Variants in CAMTA1 observed in about 807,000 individuals in gnomAD.
The protein encoded by CAMTA1 is calmodulin-binding transcription activator 1.
In CAMTA1, 27 loss-of-function variants were observed where a neutral mutation model predicts 170.9. The observed-to-expected ratio is 0.16, with a 90% CI of 0.12 to 0.22. CAMTA1 has a LOEUF of 0.22. CAMTA1 is among the 10% of genes least tolerant of loss of function. The pLI is 1.00. For synonymous variants in CAMTA1, 833 were observed against 891.5 expected, an observed-to-expected ratio of 0.93 and a Z score of 1.17; for missense variants, 1,619 against 2,217.2, an observed-to-expected ratio of 0.73 and a Z score of 5.42.
intron 3 of CAMTA1, among the ~76,000 whole-genome samples, chr1:6,998,221 G>A (rs1312723031): frequency 6.6e-6 from 1 of 152,016 alleles, no homozygotes; most frequent in Non-Finnish European, 1.5e-5. Flanking sequence ...GGGACTACAG[G>A]TGCGTGCCGC....
chr1:6,957,975 G>A (rs747682208), intron 3 of CAMTA1, among the ~76,000 whole-genome samples: 1 of 152,262 alleles, frequency 6.6e-6, no homozygotes, highest in South Asian at 2.1e-4. Context: ...GTTCCCTCCC[G>A]CCTGTCAGCA....
chr1:7,526,264 G>A (rs969290238), intron 6 of CAMTA1, among the ~76,000 whole-genome samples: 2 of 151,930 alleles, frequency 1.3e-5, no homozygotes, highest in African/African-American at 4.8e-5. Context: ...CAGGGGCTCT[G>A]GAGGCTGGAG....
At chr1:7,519,233 T>C (rs1162083670) in intron 6 of CAMTA1, among the ~76,000 whole-genome samples, 2 of 151,974 alleles carry the variant, frequency 1.3e-5, no homozygotes, top group Non-Finnish European at 2.9e-5. Context: ...GAGGAGGAGT[T>C]TGGGGACAGC....
At chr1:6,908,632 G>T (rs940275886) in intron 3 of CAMTA1, among the ~76,000 whole-genome samples, 3 of 152,208 alleles carry the variant, frequency 2.0e-5, no homozygotes, top group African/African-American at 7.2e-5. Context: ...TTTTCTTGGG[G>T]TAGAGAGTTA....
intron 5 of CAMTA1, among the ~76,000 whole-genome samples, chr1:7,350,292 G>A (rs564006149): frequency 6.6e-6 from 1 of 152,312 alleles, no homozygotes; most frequent in South Asian, 2.1e-4. Context: ...GTCCCCAGGA[G>A]CAGGAGCCAC....
Position 7,640,517 on chromosome 1 carries a change from A to G in CAMTA1, c.628A>G (p.Thr210Ala). ...CGACAAGAAGGAGTGGGCGAAATGG[A>G]CGAAAGAAGAGCTCATCGGGCAGCT... Reference protein sequence around the residue: ...NTDKKEWAKWTKEELIGQLKP... With the variant: ...NTDKKEWAKWAKEELIGQLKP... The change falls in exon 7 of 23, where the codon ACG becomes GCG. Residue 210 changes from threonine to alanine, a missense_variant. By Grantham distance (58) the Thr-to-Ala change is moderately conservative. Around this residue, in one of 8 missense-constraint regions of CAMTA1, gnomAD observed 97 missense variants for 225.4 expected, o/e 0.43. Transcript: ENST00000303635. 6.2e-7 allele frequency: 1 copy of G among 1,614,196 alleles called. No homozygotes were observed. Among genetic ancestry groups the G allele is most frequent in the South Asian group, 1.1e-5 (1 of 91,086 alleles).
At chr1:7,382,731 C>G (rs2087475741) in intron 5 of CAMTA1, 1 of 152,084 alleles carries the variant, frequency 6.6e-6, no homozygotes, top group Non-Finnish European at 1.5e-5. Context: ...CTCCTGCAGG[C>G]AAAAGAATAA....
At chr1:7,318,066 G>A (rs1292262337) in intron 5 of CAMTA1, among the ~76,000 whole-genome samples, 3 of 152,200 alleles carry the variant, frequency 2.0e-5, no homozygotes, top group African/African-American at 7.2e-5. Context: ...GAAAGGGGGT[G>A]GGGGAAGATG....
At chr1:7,206,034 A>G (rs985035905) in intron 4 of CAMTA1, among the ~76,000 whole-genome samples, 4 of 152,302 alleles carry the variant, frequency 2.6e-5, no homozygotes, top group East Asian at 3.9e-4. Context: ...GTTGGGGCAT[A>G]TCTGGACTTC....
At chr1:7,268,395 C>A (rs1669232790) in intron 5 of CAMTA1, among the ~76,000 whole-genome samples, 1 of 152,172 alleles carries the variant, frequency 6.6e-6, no homozygotes, top group Non-Finnish European at 1.5e-5. Flanking sequence ...CACTGTGGGC[C>A]AGAAGCTAAA....
At chr1:7,168,278 G>A (rs1267196897) in intron 4 of CAMTA1, among the ~76,000 whole-genome samples, 4 of 152,150 alleles carry the variant, frequency 2.6e-5, no homozygotes, top group Admixed American at 6.5e-5. Flanking sequence ...CACACTCAAT[G>A]AATATTGAGA....
intron 6 of CAMTA1, among the ~76,000 whole-genome samples, chr1:7,615,308 C>A (rs750896895): frequency 6.6e-6 from 1 of 152,214 alleles, no homozygotes; most frequent in African/African-American, 2.4e-5. Flanking sequence ...GCCTCATACC[C>A]CACCAGTCCC....
chr1:7,507,150 C>A (rs1478652613), intron 6 of CAMTA1, among the ~76,000 whole-genome samples: 1 of 148,360 alleles, frequency 6.7e-6, no homozygotes, highest in Non-Finnish European at 1.5e-5. Context: ...ACACTCACTC[C>A]CACACTCACA....
rs1246638013 is a variant in CAMTA1 at position 7,642,865 on chromosome 1, C to T, written c.664+2312C>T. ...CATCTCAGGGGGCCCGGCTCAGCTCCTCCACCCCTGCACACCATGTCCAAG... is the reference window on the plus strand; with the variant it reads ...CATCTCAGGGGGCCCGGCTCAGCTCTTCCACCCCTGCACACCATGTCCAAG... On this transcript the variant is annotated intron_variant, in intron 7 of 22. Coordinates refer to ENST00000303635, the MANE Select transcript of CAMTA1 (RefSeq NM_015215.4). This position sits in a 1 kb window ranked among gnomAD's most constrained non-coding sequence, Gnocchi z 6.3. 6.6e-6 allele frequency among the ~76,000 whole-genome samples: 1 copy of T among 152,180 alleles called. No homozygotes were observed. Among genetic ancestry groups the T allele is most frequent in the East Asian group, 1.9e-4 (1 of 5,192 alleles).
intron 3 of CAMTA1, among the ~76,000 whole-genome samples, chr1:6,962,298 G>C (rs996617209): frequency 2.6e-4 from 40 of 152,280 alleles, no homozygotes; most frequent in African/African-American, 9.1e-4. Flanking sequence ...TCCTTGCTGG[G>C]AGGCTGGTCC....
At chr1:7,576,316 G>T (rs1405128341) in intron 6 of CAMTA1, among the ~76,000 whole-genome samples, 1 of 152,144 alleles carries the variant, frequency 6.6e-6, no homozygotes, top group African/African-American at 2.4e-5. Flanking sequence ...GGCCAATTAA[G>T]GGCCTTCCTG....
intron 3 of CAMTA1, among the ~76,000 whole-genome samples, chr1:6,907,624 T>TA (rs762598667): frequency 6.6e-6 from 1 of 152,050 alleles, no homozygotes; most frequent in Non-Finnish European, 1.5e-5. Flanking sequence ...CCTGGGTCCA[T>TA]AGTCTCTTCC....
chr1:6,986,739 T>G (rs1352164553), intron 3 of CAMTA1, among the ~76,000 whole-genome samples: 2 of 152,116 alleles, frequency 1.3e-5, no homozygotes, highest in Admixed American at 1.3e-4. Context: ...GGTGGTTGTC[T>G]GTACCTGGTA....
At chr1:7,160,105 C>T (rs563468394) in intron 4 of CAMTA1, among the ~76,000 whole-genome samples, 16 of 151,984 alleles carry the variant, frequency 1.1e-4, no homozygotes, top group Admixed American at 1.3e-4. Flanking sequence ...AAAAATTAGC[C>T]GGGCATGGTG....
Sources: allele counts gnomAD v4.1 joint callset (sites outside exome capture counted in the v4.1 genomes callset), GRCh38; gene constraint gnomAD v4.1.1; regional missense constraint gnomAD v4.1.1; non-coding constraint Gnocchi (gnomAD v3.1); transcripts MANE v1.5; gene names NCBI Gene and HGNC (gene_info 2026-07-23, HGNC 2026-07-21).